CDKAL1: variants seen among roughly 807,000 people sequenced by gnomAD.
CDKAL1 encodes the protein threonylcarbamoyladenosine tRNA methylthiotransferase.
Under a neutral mutation model 68.2 loss-of-function variants are expected in CDKAL1, and 32 were observed. The ratio of observed to expected loss-of-function variants is 0.47; its 90% CI spans 0.35 to 0.63. The LOEUF (loss-of-function observed/expected upper bound fraction) is 0.63, where lower values mean the gene tolerates loss of function less well. CDKAL1 is among the 30% of genes least tolerant of loss of function. The pLI, the probability that CDKAL1 is intolerant of heterozygous loss-of-function variation, is 0.00. For synonymous variants in CDKAL1, 234 were observed against 244.3 expected, an observed-to-expected ratio of 0.96 and a Z score of 0.39; for missense variants, 606 against 696.7, an observed-to-expected ratio of 0.87 and a Z score of 1.47.
intron 8 of CDKAL1, among the ~76,000 whole-genome samples, chr6:20,836,347 TAA>T: frequency 6.6e-6 from 1 of 152,336 alleles, no homozygotes; most frequent in South Asian, 2.1e-4. Context: ...GCACCGTCAC[TAA>T]GTTAGTTATA....
chr6:20,716,950 A>G (rs953419805), intron 5 of CDKAL1, among the ~76,000 whole-genome samples: 1 of 152,042 alleles, frequency 6.6e-6, no homozygotes, highest in East Asian at 1.9e-4. Context: ...AGGTGGAGGA[A>G]GTCGGGGGAA....
At chr6:20,844,188 T>C (rs1778285145) in intron 8 of CDKAL1, among the ~76,000 whole-genome samples, 1 of 152,184 alleles carries the variant, frequency 6.6e-6, no homozygotes, top group Admixed American at 6.5e-5. Context: ...TGGCCTTAGA[T>C]TTCCAAAGAA....
chr6:20,671,105 A>G (rs1769792994), intron 5 of CDKAL1, among the ~76,000 whole-genome samples: 1 of 152,214 alleles, frequency 6.6e-6, no homozygotes, highest in Admixed American at 6.5e-5. Flanking sequence ...GTTACCCTCC[A>G]AAAGGGTTGT....
In CDKAL1 at chr6:20,733,937, T is replaced by A. The variant is rs1773069364; in HGVS notation, c.372-5582T>A. 2.0e-5 allele frequency among the ~76,000 whole-genome samples: 3 copies of A among 151,962 alleles called. No individual in the cohort carries two copies. In the South Asian group the frequency reaches 6.2e-4, roughly 32 times the overall value. ...GCTGAGGTGGGTGGATCCCTTGAGG[T>A]CAGGAGTTTGAGACCAGGCTGGCCA... On this transcript the variant is annotated intron_variant, in intron 5 of 15. Transcript: ENST00000274695.
intron 15 of CDKAL1, among the ~76,000 whole-genome samples, chr6:21,217,301 T>C (rs986171698): frequency 3.9e-5 from 1 of 25,356 alleles, no homozygotes; most frequent in Non-Finnish European, 6.8e-5. Flanking sequence ...TTTCTTTTTT[T>C]TTTTTTTTTT....
Position 20,963,351 on chromosome 6 carries a change from C to T in CDKAL1, c.909+7766C>T, listed in dbSNP as rs372058352. On this transcript the variant is annotated intron_variant, in intron 10 of 15. Transcript: ENST00000274695. The stretch of plus-strand genomic sequence containing the variant: ...TGCATCTCTGCCCATACCTGGGTCT[C>T]GGCCTCTTTGTTCTGTGATACTACT... 3.5e-4 allele frequency among the ~76,000 whole-genome samples: 54 copies of T among 152,114 alleles called. 2 individuals are homozygous for T. The highest frequency in any genetic ancestry group is 1.5e-3 in the East Asian group (8 of 5,164).
At chr6:20,565,861 T>C (rs1344713660) in intron 4 of CDKAL1, among the ~76,000 whole-genome samples, 1 of 152,164 alleles carries the variant, frequency 6.6e-6, no homozygotes, top group Non-Finnish European at 1.5e-5. Context: ...GAACTGCTAT[T>C]TCACCTCTTT....
chr6:20,873,327 C>CT (rs1205905587), intron 9 of CDKAL1, among the ~76,000 whole-genome samples: 2 of 152,112 alleles, frequency 1.3e-5, no homozygotes, highest in Non-Finnish European at 2.9e-5. Context: ...TCATAGGTCT[C>CT]TAAGACTAGG....
intron 7 of CDKAL1, among the ~76,000 whole-genome samples, chr6:20,765,624 C>T (rs925066732): frequency 6.6e-6 from 1 of 152,166 alleles, no homozygotes; most frequent in Non-Finnish European, 1.5e-5. Flanking sequence ...TTCTCTCTCT[C>T]TTAGATAGCA....
intron 6 of CDKAL1, among the ~76,000 whole-genome samples, chr6:20,746,476 G>A (rs16884185): frequency 0.058 from 8,812 of 152,226 alleles, 293 homozygotes; most frequent in African/African-American, 0.1. Flanking sequence ...TTCTCATAGC[G>A]TTGAAACACA....
intron 4 of CDKAL1, among the ~76,000 whole-genome samples, chr6:20,556,177 C>T (rs545303950): frequency 5.6e-4 from 85 of 151,896 alleles, no homozygotes; most frequent in African/African-American, 1.9e-3. Context: ...CCAGCCTGGC[C>T]AACATGGTGA....
chr6:20,894,412 CTG>C (rs1406352329), intron 9 of CDKAL1, among the ~76,000 whole-genome samples: 6 of 47,322 alleles, frequency 1.3e-4, no homozygotes, highest in African/African-American at 3.8e-4. Flanking sequence ...TTTTTTTTTG[CTG>C]TGTTTTAAAC....
At chr6:20,647,222 T>G (rs530925221) in intron 4 of CDKAL1, among the ~76,000 whole-genome samples, 11 of 152,336 alleles carry the variant, frequency 7.2e-5, no homozygotes, top group South Asian at 4.1e-4. Flanking sequence ...TAGCAGGCCC[T>G]GTAATAAGTG....
chr6:20,756,088 AC>A (rs1774158041), intron 6 of CDKAL1: 1 of 152,080 alleles, frequency 6.6e-6, no homozygotes, highest in South Asian at 2.1e-4. Context: ...TCTCACTCTG[AC>A]TTGTTCTCTA....
chr6:20,913,798 T>C (rs147967661), intron 9 of CDKAL1, among the ~76,000 whole-genome samples: 192 of 152,210 alleles, frequency 1.3e-3, no homozygotes, highest in African/African-American at 4.2e-3. Context: ...CCAGACAACA[T>C]AGTGAGATCC....
intron 9 of CDKAL1, among the ~76,000 whole-genome samples, chr6:20,919,201 G>A (rs574037074): frequency 2.1e-4 from 32 of 152,292 alleles, no homozygotes; most frequent in African/African-American, 7.5e-4. Context: ...AAGGATAACT[G>A]ATAGGTATTA....
intron 9 of CDKAL1, among the ~76,000 whole-genome samples, chr6:20,862,109 T>C (rs879937659): frequency 2.0e-5 from 3 of 152,242 alleles, no homozygotes; most frequent in Non-Finnish European, 2.9e-5. Context: ...AATTGAGGTA[T>C]GTTTTCCATG....
chr6:20,586,558 A>T (rs1320095914), intron 4 of CDKAL1, among the ~76,000 whole-genome samples: 1 of 152,154 alleles, frequency 6.6e-6, no homozygotes, highest in African/African-American at 2.4e-5. Context: ...GAATCACTTG[A>T]ACCTGGGAGG....
chr6:20,972,678 C>T (rs755406148), intron 10 of CDKAL1, among the ~76,000 whole-genome samples: 1 of 152,118 alleles, frequency 6.6e-6, no homozygotes, highest in Non-Finnish European at 1.5e-5. Context: ...ATCCATAGCC[C>T]TTGGAATTAT....
Sources: allele counts gnomAD v4.1 joint callset (sites outside exome capture counted in the v4.1 genomes callset), GRCh38; gene constraint gnomAD v4.1.1; transcripts MANE v1.5; gene names NCBI Gene and HGNC (gene_info 2026-07-23, HGNC 2026-07-21).